NUDT6: variants seen among roughly 807,000 people sequenced by gnomAD.
NUDT6 encodes the protein FAD diphosphatase NUDT6.
In NUDT6, 24 loss-of-function variants were observed where a neutral mutation model predicts 36.8. The ratio of observed to expected loss-of-function variants is 0.65; its 90% CI spans 0.47 to 0.92. NUDT6 has a LOEUF of 0.92. Ranked by LOEUF, NUDT6 falls within the 40% of genes least tolerant of loss-of-function variation. NUDT6 has a pLI of 0.00. For synonymous variants in NUDT6, 163 were observed against 157.0 expected, an observed-to-expected ratio of 1.04 and a Z score of -0.29; for missense variants, 388 against 392.8, an observed-to-expected ratio of 0.99 and a Z score of 0.10.
chr4:122,892,991 A>T lies in NUDT6; in HGVS notation c.788T>A (p.Ile263Asn). The change falls in exon 5 of 5, where the codon ATC becomes AAC. Residue 263 changes from isoleucine to asparagine, a missense_variant. Ile to Asn is a moderately radical substitution (Grantham distance 149). Transcript: ENST00000304430. Reference sequence around the variant, plus strand: ...CAGCAGCCTAGCAACTCTGCTGGTGATGGGAGTTGTATTTTCAGTCTTCGC... The same window carrying T: ...CAGCAGCCTAGCAACTCTGCTGGTGTTGGGAGTTGTATTTTCAGTCTTCGC... ...DLAKTENTTP[I>N]TSRVARLLLY... is the part of the protein sequence containing the mutation. The T allele has an allele frequency of 6.2e-7, 1 of 1,614,092 alleles. No individual in the cohort carries two copies. The highest frequency in any genetic ancestry group is 8.5e-7 in the Non-Finnish European group (1 of 1,180,030).
At chr4:122,899,350 A>G (rs1305941867) in intron 3 of NUDT6, among the ~76,000 whole-genome samples, 1 of 152,026 alleles carries the variant, frequency 6.6e-6, no homozygotes, top group Non-Finnish European at 1.5e-5. Flanking sequence ...AGGATTGAAA[A>G]CAGCTCACAC....
chr4:122,902,661 G>A (rs1727547572), intron 3 of NUDT6, among the ~76,000 whole-genome samples: 2 of 152,174 alleles, frequency 1.3e-5, no homozygotes, highest in Admixed American at 1.3e-4. Context: ...TAAGAACTCA[G>A]TAATATTCAG....
intron 2 of NUDT6, among the ~76,000 whole-genome samples, chr4:122,916,264 T>A (rs1727838251): frequency 6.6e-6 from 1 of 152,210 alleles, no homozygotes; most frequent in Admixed American, 6.5e-5. Context: ...CAATCTACAA[T>A]GTGAGAATCT....
At chr4:122,911,536 A>G (rs1209997956) in intron 3 of NUDT6, among the ~76,000 whole-genome samples, 1 of 152,194 alleles carries the variant, frequency 6.6e-6, no homozygotes, top group East Asian at 1.9e-4. Flanking sequence ...AAAAAGCTTA[A>G]TTTGAATCAG....
At chr4:122,900,344 CT>C (rs1280440668) in intron 3 of NUDT6, among the ~76,000 whole-genome samples, 3 of 139,852 alleles carry the variant, frequency 2.1e-5, no homozygotes, top group South Asian at 2.2e-4. Context: ...TTTAAACTTC[CT>C]TTTTTTCCTT....
At chr4:122,896,703 A>G (rs1274394999) in intron 4 of NUDT6, 1 of 152,228 alleles carries the variant, frequency 6.6e-6, no homozygotes, top group Non-Finnish European at 1.5e-5. Flanking sequence ...CGAGTTGGCT[A>G]TATAATGTAT....
chr4:122,916,478 T>C (rs1409132091), intron 2 of NUDT6, among the ~76,000 whole-genome samples: 1 of 152,180 alleles, frequency 6.6e-6, no homozygotes, highest in Non-Finnish European at 1.5e-5. Context: ...AAATGATCAT[T>C]TACTTTACAA....
chr4:122,905,720 C>T (rs1727604984), intron 3 of NUDT6, among the ~76,000 whole-genome samples: 1 of 152,202 alleles, frequency 6.6e-6, no homozygotes, highest in Non-Finnish European at 1.5e-5. Flanking sequence ...ACATCTATGA[C>T]AAATGGTTTC....
At chr4:122,902,099 A>C (rs1243136881) in intron 3 of NUDT6, among the ~76,000 whole-genome samples, 1 of 152,196 alleles carries the variant, frequency 6.6e-6, no homozygotes, top group African/African-American at 2.4e-5. Flanking sequence ...TACTGTATTT[A>C]GATAAATCTC....
At chr4:122,906,650 A>G (rs147162904) in intron 3 of NUDT6, among the ~76,000 whole-genome samples, 1 of 152,176 alleles carries the variant, frequency 6.6e-6, no homozygotes, top group East Asian at 1.9e-4. Context: ...AATCAGAGTG[A>G]CCCCATCTTG....
chr4:122,917,550 TTC>T lies in NUDT6; in HGVS notation c.391_392del (p.Glu131ArgfsTer21). 1 of 1,614,140 alleles carries T rather than the reference TTC, an allele frequency of 6.2e-7. No homozygotes were observed. The highest frequency in any genetic ancestry group is 8.5e-7 in the Non-Finnish European group (1 of 1,179,998). On this transcript the variant is annotated frameshift_variant, in exon 2 of 5. Transcript: ENST00000304430. LOFTEE classifies it high-confidence loss of function. The stretch of plus-strand genomic sequence containing the variant: ...CATATCCTGGTAATCTGCTGGGCCC[TTC>T]TCTCAGCCACAGAGTCAACGTTGAT... ...DSSTLTLWLR[E>X]GPSRLPGYAS...
At chr4:122,898,513 T>C (rs1368641145) in intron 3 of NUDT6, among the ~76,000 whole-genome samples, 1 of 152,200 alleles carries the variant, frequency 6.6e-6, no homozygotes. Context: ...TCTTCATTCA[T>C]AAAATAAGTT....
In NUDT6 at chr4:122,892,969, C is replaced by T. The variant is rs148123353; in HGVS notation, c.810G>A (p.Leu270=). The change falls in exon 5 of 5, where the codon CTG becomes CTA. Residue 270 remains leucine (L), a synonymous_variant. Coordinates refer to ENST00000304430, the MANE Select transcript of NUDT6 (RefSeq NM_007083.5). ...ACCCTTCTCTGTACCCATACAGCAGCAGCCTAGCAACTCTGCTGGTGATGG... is the reference window on the plus strand; with the variant it reads ...ACCCTTCTCTGTACCCATACAGCAGTAGCCTAGCAACTCTGCTGGTGATGG... ...TTPITSRVAR[L]LLYGYREGFD... is the part of the protein sequence containing the mutation. 2.5e-6 allele frequency: 4 copies of T among 1,614,210 alleles called. No individual in the cohort carries two copies. The highest frequency in any genetic ancestry group is 3.4e-6 in the Non-Finnish European group (4 of 1,180,040).
intron 3 of NUDT6, among the ~76,000 whole-genome samples, chr4:122,901,411 A>G (rs542686649): frequency 1.3e-5 from 2 of 152,270 alleles, no homozygotes; most frequent in East Asian, 1.9e-4. Flanking sequence ...TGGTATGACA[A>G]TTTTCCTATA....
intron 4 of NUDT6, chr4:122,893,538 A>G (rs894913251): frequency 6.3e-5 from 14 of 222,538 alleles, no homozygotes; most frequent in African/African-American, 3.2e-4. Context: ...AGGTAAAAAT[A>G]TAGATTGAAA....
chr4:122,920,455 C>A (rs1350534319), intron 1 of NUDT6: 2 of 152,174 alleles, frequency 1.3e-5, no homozygotes, highest in African/African-American at 4.8e-5. Context: ...AAAAATATAA[C>A]AAGTATTTGG....
At chr4:122,894,796 ATAG>A (rs1272369554) in intron 4 of NUDT6, 1 of 152,220 alleles carries the variant, frequency 6.6e-6, no homozygotes, top group Non-Finnish European at 1.5e-5. Context: ...ATTATTAAAG[ATAG>A]TAGCACTAGT....
chr4:122,915,677 G>A (rs1188613525), intron 2 of NUDT6, among the ~76,000 whole-genome samples: 1 of 152,032 alleles, frequency 6.6e-6, no homozygotes, highest in Non-Finnish European at 1.5e-5. Context: ...TTATCAACAG[G>A]CCCTTCATAG....
chr4:122,918,721 A>C (rs1344775740), intron 1 of NUDT6: 1 of 152,240 alleles, frequency 6.6e-6, no homozygotes, highest in African/African-American at 2.4e-5. Context: ...GCACAGTGAC[A>C]GGCACATGGG....
Sources: allele counts gnomAD v4.1 joint callset (sites outside exome capture counted in the v4.1 genomes callset), GRCh38; gene constraint gnomAD v4.1.1; transcripts MANE v1.5; gene names NCBI Gene and HGNC (gene_info 2026-07-23, HGNC 2026-07-21).